LOC400499: variants seen among roughly 807,000 people sequenced by gnomAD.
the LOC400499 span, among the ~76,000 whole-genome samples, chr16:11,524,426 C>T: frequency 4.9e-5 from 7 of 143,318 alleles, no homozygotes; most frequent in Admixed American, 1.4e-4. Flanking sequence ...AGCTGGCTAA[C>T]GGTGGAGCCT....
the LOC400499 span, among the ~76,000 whole-genome samples, chr16:11,378,076 TTAAGGTAGAAGG>T: frequency 5.3e-5 from 8 of 152,150 alleles, no homozygotes; most frequent in African/African-American, 1.9e-4. Context: ...TTCTAATAAC[TTAAGGTAGAAGG>T]TTAGGTTGTT....
chr16:11,502,690 C>A, the LOC400499 span, among the ~76,000 whole-genome samples: 5 of 151,578 alleles, frequency 3.3e-5, no homozygotes, highest in East Asian at 5.8e-4. Flanking sequence ...TCTCGGCTCA[C>A]GGCAACCTCC....
chr16:11,392,315 A>G, the LOC400499 span: 1 of 398,156 alleles, frequency 2.5e-6, no homozygotes, highest in East Asian at 3.6e-5. Flanking sequence ...AGGCCCTCTC[A>G]CCTCCACATG....
chr16:11,411,988 G>A, the LOC400499 span, among the ~76,000 whole-genome samples: 9,707 of 151,922 alleles, frequency 0.064, 316 homozygotes, highest in Middle Eastern at 0.19. Flanking sequence ...TCACCCTCCT[G>A]AGCAGCTGGG....
At chr16:11,520,076 T>C in the LOC400499 span, among the ~76,000 whole-genome samples, 6 of 152,228 alleles carry the variant, frequency 3.9e-5, no homozygotes, top group African/African-American at 1.4e-4. Context: ...CAGAGGGGAC[T>C]AGAGTCTGCA....
the LOC400499 span, among the ~76,000 whole-genome samples, chr16:11,444,524 C>T: frequency 9.2e-5 from 14 of 152,294 alleles, no homozygotes; most frequent in African/African-American, 2.6e-4. Flanking sequence ...ATTCACGGTG[C>T]TCTTGAATTG....
chr16:11,468,235 AAC>A, the LOC400499 span, among the ~76,000 whole-genome samples: 1 of 152,272 alleles, frequency 6.6e-6, no homozygotes, highest in Non-Finnish European at 1.5e-5. Flanking sequence ...CTGGGAAATG[AAC>A]ACAGATTTCT....
the LOC400499 span, chr16:11,514,290 T>C: frequency 2.5e-6 from 1 of 398,938 alleles, no homozygotes; most frequent in Non-Finnish European, 4.4e-6. Flanking sequence ...CTGGGCCTGC[T>C]TGGGCCCCTC....
the LOC400499 span, chr16:11,514,371 G>A: frequency 2.5e-6 from 1 of 399,226 alleles, no homozygotes; most frequent in East Asian, 3.6e-5. Flanking sequence ...GTGCCCGCTG[G>A]ATCTTGGGGC....
At chr16:11,474,270 C>T in the LOC400499 span, among the ~76,000 whole-genome samples, 89,213 of 152,106 alleles carry the variant, frequency 0.59, 27,553 homozygotes, top group African/African-American at 0.79. Context: ...GGGTGTGCTG[C>T]GTTCCCATAC....
At chr16:11,429,137 G>T in the LOC400499 span, among the ~76,000 whole-genome samples, 1 of 152,308 alleles carries the variant, frequency 6.6e-6, no homozygotes, top group South Asian at 2.1e-4. Context: ...GTAATCCCCA[G>T]CGTCAGGGGT....
the LOC400499 span, among the ~76,000 whole-genome samples, chr16:11,458,405 T>C: frequency 6.6e-6 from 1 of 151,568 alleles, no homozygotes; most frequent in African/African-American, 2.4e-5. Context: ...CTTGGGAGGC[T>C]GAGGCAGGAG....
the LOC400499 span, among the ~76,000 whole-genome samples, chr16:11,444,135 C>T: frequency 6.6e-6 from 1 of 152,174 alleles, no homozygotes; most frequent in Non-Finnish European, 1.5e-5. Flanking sequence ...GCCACCACAC[C>T]TGGCCCAATC....
the LOC400499 span, chr16:11,435,587 C>T: frequency 2.5e-6 from 1 of 398,836 alleles, no homozygotes; most frequent in Admixed American, 4.4e-5. Flanking sequence ...GTGAGGATCT[C>T]CCATATCCCA....
the LOC400499 span, among the ~76,000 whole-genome samples, chr16:11,493,430 G>A: frequency 2.0e-5 from 3 of 152,150 alleles, no homozygotes; most frequent in African/African-American, 7.2e-5. Flanking sequence ...AGATGGCACT[G>A]GTAATCATAT....
chr16:11,438,384 G>A, the LOC400499 span, among the ~76,000 whole-genome samples: 2 of 152,128 alleles, frequency 1.3e-5, no homozygotes, highest in East Asian at 3.8e-4. Flanking sequence ...ATGCCTCTAA[G>A]AATAAGCAGT....
the LOC400499 span, chr16:11,423,316 C>T: frequency 3.8e-5 from 15 of 398,926 alleles, no homozygotes; most frequent in East Asian, 4.6e-4. Flanking sequence ...AGTGAACCGT[C>T]GTGGATGCCA....
the LOC400499 span, among the ~76,000 whole-genome samples, chr16:11,515,363 G>T: frequency 6.6e-6 from 1 of 152,026 alleles, no homozygotes; most frequent in African/African-American, 2.4e-5. Context: ...GGCTGAGACA[G>T]GAGGATCGCT....
At chr16:11,428,959 C>T in the LOC400499 span, among the ~76,000 whole-genome samples, 4 of 152,198 alleles carry the variant, frequency 2.6e-5, no homozygotes, top group South Asian at 8.3e-4. Flanking sequence ...GAAGCCATCT[C>T]GTAGGGACTC....
Sources: allele counts gnomAD v4.1 joint callset (sites outside exome capture counted in the v4.1 genomes callset), GRCh38; gene constraint gnomAD v4.1.1; transcripts MANE v1.5.